TENM3: variants seen among roughly 807,000 people sequenced by gnomAD.
TENM3 encodes the protein teneurin-3.
A neutral mutation model predicts 255.1 loss-of-function variants in TENM3; 63 were observed. The ratio of observed to expected loss-of-function variants is 0.25; its 90% CI spans 0.20 to 0.30. TENM3 has a LOEUF of 0.30. TENM3 is among the 10% of genes least tolerant of loss of function. The pLI, the probability that TENM3 is intolerant of heterozygous loss-of-function variation, is 1.00. For synonymous variants in TENM3, 1,306 were observed against 1,322.3 expected, an observed-to-expected ratio of 0.99 and a Z score of 0.27; for missense variants, 2,929 against 3,461.1, an observed-to-expected ratio of 0.85 and a Z score of 3.86.
intron 3 of TENM3, among the ~76,000 whole-genome samples, chr4:182,377,905 G>T (rs982190938): frequency 5.3e-5 from 8 of 152,176 alleles, no homozygotes; most frequent in African/African-American, 1.9e-4. Context: ...GCAAATCTCT[G>T]TAGGTGAGTG....
At chr4:181,763,954 A>G in the TENM3 span, among the ~76,000 whole-genome samples, 1 of 152,204 alleles carries the variant, frequency 6.6e-6, no homozygotes, top group Non-Finnish European at 1.5e-5. Context: ...GACTTTCTAT[A>G]CAGCCAGTGT....
At chr4:182,059,883 T>C in the TENM3 span, among the ~76,000 whole-genome samples, 1 of 151,552 alleles carries the variant, frequency 6.6e-6, no homozygotes, top group Non-Finnish European at 1.5e-5. Flanking sequence ...GGGTTAGCCA[T>C]GATTGTGCCA....
the TENM3 span, among the ~76,000 whole-genome samples, chr4:182,020,827 A>G: frequency 6.6e-6 from 1 of 152,198 alleles, no homozygotes; most frequent in African/African-American, 2.4e-5. Flanking sequence ...CTCAAGGCTT[A>G]GCCTACCCAT....
At chr4:181,517,958 C>T in the TENM3 span, among the ~76,000 whole-genome samples, 1 of 152,164 alleles carries the variant, frequency 6.6e-6, no homozygotes, top group Non-Finnish European at 1.5e-5. Context: ...CTATCCACCA[C>T]ATCCAAGCAA....
At chr4:181,640,058 C>T in the TENM3 span, among the ~76,000 whole-genome samples, 1 of 152,154 alleles carries the variant, frequency 6.6e-6, no homozygotes, top group East Asian at 1.9e-4. Flanking sequence ...GGTACACAGA[C>T]AGCACTCACC....
intron 3 of TENM3, among the ~76,000 whole-genome samples, chr4:182,574,338 T>G (rs1368274669): frequency 6.6e-6 from 1 of 152,110 alleles, no homozygotes; most frequent in Non-Finnish European, 1.5e-5. Flanking sequence ...TCCTCTTTAT[T>G]CCAGAAAGGA....
At chr4:182,482,609 T>A (rs1332453161) in intron 3 of TENM3, among the ~76,000 whole-genome samples, 1 of 152,242 alleles carries the variant, frequency 6.6e-6, no homozygotes, top group Non-Finnish European at 1.5e-5. Context: ...TCTTAACCTT[T>A]TGCAATTTTA....
At chr4:182,758,280 G>A (rs975687746) in intron 22 of TENM3, among the ~76,000 whole-genome samples, 10 of 152,080 alleles carry the variant, frequency 6.6e-5, no homozygotes, top group East Asian at 1.9e-4. Flanking sequence ...AGCAAAGGCC[G>A]CCTCTTCTAA....
At chr4:182,280,430 A>T (rs564477715) in intron 1 of TENM3, among the ~76,000 whole-genome samples, 214 of 152,330 alleles carry the variant, frequency 1.4e-3, no homozygotes, top group Non-Finnish European at 2.6e-3. Context: ...TATATTCTTG[A>T]ATAAGGAGGA....
the TENM3 span, among the ~76,000 whole-genome samples, chr4:181,622,748 C>T: frequency 6.6e-6 from 1 of 152,054 alleles, no homozygotes; most frequent in Non-Finnish European, 1.5e-5. Flanking sequence ...TAGAACAAGC[C>T]CTGAGATAAT....
chr4:181,744,231 G>A, the TENM3 span, among the ~76,000 whole-genome samples: 4 of 152,124 alleles, frequency 2.6e-5, no homozygotes, highest in African/African-American at 4.8e-5. Flanking sequence ...TTAGTGATGG[G>A]CATTTAGGTT....
chr4:182,332,708 G>GAAAAAAAAAAAAAAAAA (rs112751092), intron 2 of TENM3, among the ~76,000 whole-genome samples: 1 of 100,170 alleles, frequency 1.0e-5, no homozygotes. Context: ...AAAGAAAAAA[G>GAAAAAAAAAAAAAAAAA]AAAAAAAAAA....
intron 3 of TENM3, among the ~76,000 whole-genome samples, chr4:182,527,140 TAAC>T (rs1739283502): frequency 6.6e-6 from 1 of 152,210 alleles, no homozygotes; most frequent in Non-Finnish European, 1.5e-5. Context: ...CAAAAGTAGT[TAAC>T]AATCAAAGGA....
intron 3 of TENM3, among the ~76,000 whole-genome samples, chr4:182,385,551 C>G (rs754648081): frequency 6.6e-6 from 1 of 152,146 alleles, no homozygotes; most frequent in Non-Finnish European, 1.5e-5. Flanking sequence ...AGGCGTGAGC[C>G]ACCGCGCCCA....
the TENM3 span, among the ~76,000 whole-genome samples, chr4:182,114,028 T>C: frequency 6.6e-6 from 1 of 152,158 alleles, no homozygotes; most frequent in South Asian, 2.1e-4. Context: ...GTAACTGAAG[T>C]CAGACTACCC....
At chr4:181,562,159 T>C in the TENM3 span, among the ~76,000 whole-genome samples, 1 of 152,330 alleles carries the variant, frequency 6.6e-6, no homozygotes, top group Non-Finnish European at 1.5e-5. Context: ...AATTAGTTTC[T>C]TTGTTTTGAT....
intron 7 of TENM3, among the ~76,000 whole-genome samples, chr4:182,674,106 G>A (rs1755453616): frequency 6.6e-6 from 1 of 152,148 alleles, no homozygotes; most frequent in Non-Finnish European, 1.5e-5. Context: ...CATTAAAATT[G>A]ACAGTAGGAT....
the TENM3 span, among the ~76,000 whole-genome samples, chr4:182,109,137 T>A: frequency 2.8e-5 from 3 of 108,562 alleles, no homozygotes; most frequent in African/African-American, 8.2e-5. Context: ...GATCCAGATG[T>A]TGTGATTATA....
At chr4:181,740,923 C>T in the TENM3 span, among the ~76,000 whole-genome samples, 398 of 152,148 alleles carry the variant, frequency 2.6e-3, 1 homozygote, top group Non-Finnish European at 4.5e-3. Flanking sequence ...AAAAGAAAAC[C>T]GTAAGATGGC....
Sources: gnomAD v4.1 joint callset for allele counts (sites outside exome capture counted in the v4.1 genomes callset) on GRCh38, gnomAD v4.1.1 for gene constraint, MANE v1.5 for transcripts, NCBI Gene and HGNC (gene_info 2026-07-23, HGNC 2026-07-21) for gene names.